The following ESPNL variants were observed in gnomAD, a reference collection of about 807,000 sequenced individuals.
ESPNL encodes espin-like protein.
A neutral mutation model predicts 46.8 loss-of-function variants in ESPNL; 49 were observed. That is an observed-to-expected ratio of 1.05 (90% CI 0.83 to 1.33). The LOEUF is 1.33. ESPNL is among the 40% of genes most tolerant of loss of function. The probability of loss-of-function intolerance (pLI) is 0.00; values close to 1 mark genes in which losing one functional copy is unlikely to be tolerated. For missense variants in ESPNL, 1,540 were observed against 1,436.6 expected (o/e 1.07, Z -1.16); for synonymous variants, 664 against 662.1 (o/e 1.00, Z -0.04).
At chr2:238,129,604 C>G (rs749570497) in intron 8 of ESPNL, among the ~76,000 whole-genome samples, 18 of 152,204 alleles carry the variant, frequency 1.2e-4, no homozygotes, top group Non-Finnish European at 2.4e-4. Flanking sequence ...ACAGGCTCCC[C>G]GGGCTGCTGT....
rs1261404495 is a variant in ESPNL, at chr2:238,128,726, C to T, written c.1235C>T (p.Ala412Val). Residue 412 changes from alanine (A) to valine (V), a missense_variant, in exon 8 of 9, where the codon GCG becomes GTG. Physicochemically the swap from Ala to Val is moderately conservative, Grantham distance 64 (BLOSUM62 0). Transcript: ENST00000343063. ...GCACAGGGGACAGAGACGGCGCTGG[C>T]GGGGGACACCTCAGATGGCCTGGCC... The part of the protein sequence containing the change: ...ADPEGTETAL[A>V]GDTSDGLAAL... 4 of 1,601,458 alleles carry T rather than the reference C, an allele frequency of 2.5e-6. No homozygotes were observed. Among genetic ancestry groups the T allele is most frequent in the Non-Finnish European group, 3.4e-6 (4 of 1,174,912 alleles).
chr2:238,127,266 T>A lies in ESPNL; in HGVS notation c.1103-356T>A, dbSNP rs1692159291. ...GTTGACCCTGAAGTGTGTGTTTTCA[T>A]CGGGGCAGGGAGCATTGCAGGCAGC... On this transcript the variant is annotated intron_variant, in intron 6 of 8. Transcript: ENST00000343063. The A allele has an allele frequency of 1.1e-5, 9 of 816,882 alleles. No homozygotes were observed. In the South Asian group the frequency reaches 3.4e-4, roughly 31 times the overall value. The allele number at this position is 816,882 out of a possible 1,614,324, so 50.6% of individuals were successfully genotyped here. A position where few individuals can be genotyped will look rare whatever the true frequency, so the allele number is the denominator to read the frequency against.
In ESPNL at chr2:238,104,832, T is replaced by C. The variant is rs1354160231; in HGVS notation, c.662T>C (p.Val221Ala). ...AAAARGHYSL[V>A]VWLVTFTDIG... ...GCCGCCCGTGGCCACTACTCCCTCG[T>C]CGTCTGGCTGGTAAGTGGGTGCCAG... is the stretch of plus-strand genomic sequence containing the variant. Residue 221 changes from valine (V) to alanine (A), a missense_variant, in exon 3 of 9, where the codon GTC (valine) becomes GCC (alanine). Transcript: ENST00000343063. 6.6e-7 allele frequency: 1 copy of C among 1,514,106 alleles called. No individual in the cohort carries two copies. Among genetic ancestry groups the C allele is most frequent in the African/African-American group, 1.4e-5 (1 of 72,484 alleles). 93.8% of individuals were successfully genotyped at this position (1,514,106 alleles called of 1,614,324 possible). A position where few individuals can be genotyped will look rare whatever the true frequency, so the allele number is the denominator to read the frequency against.
At chr2:238,122,238 G>A (rs1692003705) in intron 5 of ESPNL, among the ~76,000 whole-genome samples, 2 of 152,238 alleles carry the variant, frequency 1.3e-5, no homozygotes, top group Admixed American at 6.5e-5. Flanking sequence ...CGTGTCCAGG[G>A]CCTTCCTATG....
chr2:238,128,979 C>T (rs1559268505), intron 8 of ESPNL, 75 bp downstream of exon 8: 18 of 1,486,014 alleles, frequency 1.2e-5, no homozygotes, highest in South Asian at 2.6e-5. Flanking sequence ...GAAGTCAGGG[C>T]GCCCGAAGCC....
chr2:238,126,802 GTC>G (rs1692133354), intron 6 of ESPNL, among the ~76,000 whole-genome samples: 1 of 150,744 alleles, frequency 6.6e-6, no homozygotes, highest in Non-Finnish European at 1.5e-5. Flanking sequence ...GTTTGTGTAT[GTC>G]TGTTCTGTGT....
intron 5 of ESPNL, among the ~76,000 whole-genome samples, chr2:238,117,992 A>G (rs553499309): frequency 7.0e-4 from 103 of 147,768 alleles, no homozygotes; most frequent in African/African-American, 2.3e-3. Context: ...AGATGGAGGA[A>G]GGTGGATGGA....
At chr2:238,126,787 ATTGTGT>A (rs1020828728) in intron 6 of ESPNL, among the ~76,000 whole-genome samples, 2 of 133,744 alleles carry the variant, frequency 1.5e-5, no homozygotes, top group African/African-American at 2.9e-5. Context: ...ATTCTGTGTG[ATTGTGT>A]TTGTGTATGT....
rs770935577 is a variant in ESPNL, at chr2:238,100,694, AG to A, written c.281del (p.Gly94AlafsTer39). Reference sequence around the variant, plus strand: ...GCCGAGCTGTGCTGGCTGGTCCGCGAGGGGGGCTGCGGTCTGCAGGTGAGCG... The same window carrying A: ...GCCGAGCTGTGCTGGCTGGTCCGCGAGGGGGCTGCGGTCTGCAGGTGAGCG... ...SLAELCWLVREGGCGLQDQDA... is the reference protein window; with the variant it reads ...SLAELCWLVRXGGCGLQDQDA... On this transcript the variant is annotated frameshift_variant, in exon 1 of 9. Transcript: ENST00000343063. LOFTEE classifies it high-confidence loss of function. 3 of 1,429,106 alleles carry A rather than the reference AG, an allele frequency of 2.1e-6. No homozygotes were observed. In the Admixed American group the frequency reaches 8.8e-5, roughly 42 times the overall value. 88.5% of individuals were successfully genotyped at this position (1,429,106 alleles called of 1,614,324 possible).
chr2:238,128,483 C>G (rs1369018490), intron 7 of ESPNL, among the ~76,000 whole-genome samples: 1 of 152,198 alleles, frequency 6.6e-6, no homozygotes, highest in Non-Finnish European at 1.5e-5. Context: ...AATCCCCTCA[C>G]ACACATCTTA....
chr2:238,113,558 T>A (rs540955296), intron 4 of ESPNL, among the ~76,000 whole-genome samples: 1 of 152,354 alleles, frequency 6.6e-6, no homozygotes, highest in South Asian at 2.1e-4. Flanking sequence ...TGTTGACATA[T>A]GCTGACATGA....
intron 7 of ESPNL, 85 bp from the exon 8 acceptor site, chr2:238,128,622 C>T: frequency 1.4e-6 from 2 of 1,386,870 alleles, no homozygotes; most frequent in South Asian, 1.3e-5. Flanking sequence ...TGGGCGGAGC[C>T]AACCCCCCAC....
intron 8 of ESPNL, 144 bp from the exon 9 acceptor site, chr2:238,129,984 T>C: frequency 1.1e-6 from 1 of 921,438 alleles, no homozygotes; most frequent in Non-Finnish European, 1.6e-6. Flanking sequence ...GCTTCTGCCC[T>C]AGCTGGGAAG....
At chr2:238,102,167 T>A in intron 2 of ESPNL, 36 bp downstream of exon 2, 3 of 1,488,012 alleles carry the variant, frequency 2.0e-6, no homozygotes, top group Non-Finnish European at 2.7e-6. Flanking sequence ...GGGGGCAGCC[T>A]GGGGCGAGCT....
chr2:238,126,401 T>G (rs758912314), intron 6 of ESPNL, among the ~76,000 whole-genome samples: 18 of 151,684 alleles, frequency 1.2e-4, no homozygotes, highest in Non-Finnish European at 1.5e-4. Context: ...TGTATGATTA[T>G]GCCTGTGTAT....
chr2:238,119,441 T>G (rs1241439609), intron 5 of ESPNL, among the ~76,000 whole-genome samples: 61 of 46,876 alleles, frequency 1.3e-3, no homozygotes, highest in Admixed American at 1.6e-3. Context: ...GGAGGGGAGG[T>G]GGAGGAGAGG....
intron 2 of ESPNL, 50 bp downstream of exon 2, chr2:238,102,181 C>G: frequency 6.9e-7 from 1 of 1,449,418 alleles, no homozygotes; most frequent in African/African-American, 1.4e-5. Context: ...GCGAGCTGGC[C>G]AAGGGGAGGC....
rs767656287 is a variant in ESPNL at position 238,131,564 on chromosome 2, C to T, written c.2850C>T (p.Pro950=). The T allele has an allele frequency of 4.3e-6, 7 of 1,611,088 alleles. No homozygotes were observed. The highest frequency in any genetic ancestry group is 5.1e-6 in the Non-Finnish European group (6 of 1,179,072). Residue 950 remains proline, a synonymous_variant, in exon 9 of 9, where the codon CCC becomes CCT. Coordinates refer to ENST00000343063, the MANE Select transcript of ESPNL (RefSeq NM_194312.4). ...GRKSGLTLLG[P]LPHAAVPCSG... Reference sequence around the variant, plus strand: ...AGTCAGGTCTGACCCTGCTCGGGCCCCTGCCTCACGCCGCCGTCCCCTGCA... The same window carrying T: ...AGTCAGGTCTGACCCTGCTCGGGCCTCTGCCTCACGCCGCCGTCCCCTGCA...
At position 238,114,302 on chromosome 2, in the gene ESPNL, A is replaced by G. The variant is rs1691770663; in HGVS notation, c.856-2601A>G. On this transcript the variant is annotated intron_variant, in intron 4 of 8. Coordinates refer to ENST00000343063, the MANE Select transcript of ESPNL (RefSeq NM_194312.4). The surrounding 1 kb of genome is among the most constrained non-coding windows in gnomAD (Gnocchi z 5.0). ...AGCACCATTTGGGGCCAGGTCTGAC[A>G]CTTGTCCCCCTTCCTCTGCCGTGAC... Among the ~76,000 whole-genome samples, 1 of 151,690 alleles carries G rather than the reference A, an allele frequency of 6.6e-6. No individual in the cohort carries two copies. The highest frequency in any genetic ancestry group is 6.6e-5 in the Admixed American group (1 of 15,256).
Sources: gnomAD v4.1 joint callset for allele counts (sites outside exome capture counted in the v4.1 genomes callset) on GRCh38, gnomAD v4.1.1 for gene constraint, Gnocchi (gnomAD v3.1) non-coding constraint, MANE v1.5 for transcripts, NCBI Gene and HGNC (gene_info 2026-07-23, HGNC 2026-07-21) for gene names.